MMS22L: variants seen among roughly 807,000 people sequenced by gnomAD.
The protein encoded by MMS22L is MMS22 like, DNA repair protein, also known as protein MMS22-like.
MMS22L carries 74 observed loss-of-function variants against 159.1 expected under a neutral mutation model. The observed-to-expected ratio is 0.47, with a 90% confidence interval of 0.39 to 0.56. The LOEUF is 0.56. Among genes scored for constraint, MMS22L ranks in the 20% least tolerant of loss-of-function variants. The pLI is 0.00. For synonymous variants in MMS22L, 517 were observed against 506.9 expected, an observed-to-expected ratio of 1.02 and a Z score of -0.27; for missense variants, 1,351 against 1,422.1, an observed-to-expected ratio of 0.95 and a Z score of 0.80.
chr6:97,283,940 A>G (rs1817007716), upstream of MMS22L, among the ~76,000 whole-genome samples: 1 of 152,244 alleles, frequency 6.6e-6, no homozygotes, highest in Admixed American at 6.5e-5. Context: ...ACTTCTAACT[A>G]ACCTGTGAAT....
At chr6:97,210,095 T>C (rs892431274) in intron 14 of MMS22L, among the ~76,000 whole-genome samples, 7 of 151,894 alleles carry the variant, frequency 4.6e-5, no homozygotes, top group African/African-American at 1.7e-4. Context: ...TATGGGGACC[T>C]GCCTGAGGTC....
chr6:97,259,205 C>T (rs1033811815), intron 9 of MMS22L: 2 of 152,208 alleles, frequency 1.3e-5, no homozygotes, highest in Admixed American at 1.3e-4. Flanking sequence ...TTTAACAATA[C>T]ATTCTGCAAC....
intron 14 of MMS22L, among the ~76,000 whole-genome samples, chr6:97,187,115 T>C (rs1477373761): frequency 1.3e-5 from 2 of 152,312 alleles, no homozygotes; most frequent in African/African-American, 4.8e-5. Context: ...CGTGGTATTT[T>C]AAATTAAAAT....
intron 11 of MMS22L, among the ~76,000 whole-genome samples, chr6:97,241,187 A>G (rs949679922): frequency 6.6e-6 from 1 of 152,156 alleles, no homozygotes; most frequent in Non-Finnish European, 1.5e-5. Flanking sequence ...ATATATAAGA[A>G]GTTTTCTCTA....
chr6:97,210,847 A>G (rs927918151), intron 14 of MMS22L, among the ~76,000 whole-genome samples: 1 of 151,912 alleles, frequency 6.6e-6, no homozygotes, highest in Non-Finnish European at 1.5e-5. Context: ...AATATATGTA[A>G]TTTCTTATAT....
rs966292514 is a variant in MMS22L at position 97,149,845 on chromosome 6, A to T, written c.3650+8T>A. On this transcript the variant is annotated splice_region_variant and intron_variant, in intron 24 of 24. Coordinates refer to ENST00000683635, the MANE Select transcript of MMS22L (RefSeq NM_001350599.2). ...CCCCCCCCAATGTAATTAAATTATC[A>T]AACATACCTTTGTGCTATATTCCTG... The T allele has an allele frequency of 1.3e-6, 2 of 1,585,658 alleles. No individual in the cohort carries two copies. Among genetic ancestry groups the T allele is most frequent in the African/African-American group, 2.7e-5 (2 of 73,650 alleles).
intron 14 of MMS22L, among the ~76,000 whole-genome samples, chr6:97,202,790 T>C (rs777111593): frequency 4.6e-5 from 7 of 152,140 alleles, no homozygotes; most frequent in Non-Finnish European, 8.8e-5. Flanking sequence ...AATAGTAAAA[T>C]AAGACTAAAG....
intron 14 of MMS22L, among the ~76,000 whole-genome samples, chr6:97,228,201 G>A (rs114405341): frequency 0.018 from 2,790 of 152,296 alleles, 83 homozygotes; most frequent in African/African-American, 0.064. Flanking sequence ...TATCTGTAAC[G>A]TATCTCTGGG....
chr6:97,224,219 A>G (rs965814813), intron 14 of MMS22L, among the ~76,000 whole-genome samples: 2 of 152,152 alleles, frequency 1.3e-5, no homozygotes, highest in Non-Finnish European at 2.9e-5. Flanking sequence ...TCTTCCTATC[A>G]ATGTAAACTT....
At chr6:97,206,382 T>TACACACAC (rs58135635) in intron 14 of MMS22L, among the ~76,000 whole-genome samples, 3,259 of 146,778 alleles carry the variant, frequency 0.022, 69 homozygotes, top group Admixed American at 0.066. Flanking sequence ...ACCTCGCATG[T>TACACACAC]ACACACACAC....
chr6:97,156,981 CTTTTA>C (rs776202524), intron 22 of MMS22L, among the ~76,000 whole-genome samples: 9 of 151,902 alleles, frequency 5.9e-5, no homozygotes, highest in Non-Finnish European at 7.4e-5. Flanking sequence ...TTTGTGTCCT[CTTTTA>C]TTTTATTTTG....
intron 22 of MMS22L, among the ~76,000 whole-genome samples, chr6:97,158,794 T>G (rs1218952854): frequency 6.6e-6 from 1 of 152,184 alleles, no homozygotes; most frequent in Non-Finnish European, 1.5e-5. Context: ...TCTGTTGATC[T>G]GGGGTGGAGA....
intron 14 of MMS22L, among the ~76,000 whole-genome samples, chr6:97,192,512 G>A (rs555710916): frequency 5.1e-4 from 77 of 152,276 alleles, no homozygotes; most frequent in African/African-American, 1.8e-3. Context: ...ATACTTTGTA[G>A]ACAAGGCAAA....
At chr6:97,181,844 T>C in intron 16 of MMS22L, 60 bp downstream of exon 16, 1 of 1,534,826 alleles carries the variant, frequency 6.5e-7, no homozygotes, top group Non-Finnish European at 8.8e-7. Flanking sequence ...CTTAGCTTCC[T>C]AGGATACTGA....
At chr6:97,250,676 A>G (rs1813146560) in intron 10 of MMS22L, among the ~76,000 whole-genome samples, 1 of 152,176 alleles carries the variant, frequency 6.6e-6, no homozygotes, top group South Asian at 2.1e-4. Flanking sequence ...TAGCTTTGTG[A>G]GTTAAATCCA....
intron 19 of MMS22L, among the ~76,000 whole-genome samples, chr6:97,170,980 T>C (rs923377551): frequency 1.3e-5 from 2 of 152,114 alleles, no homozygotes; most frequent in African/African-American, 4.8e-5. Context: ...CACTTCAGCA[T>C]AGGTGACAGA....
chr6:97,258,631 CA>C (rs1336099671), intron 9 of MMS22L: 1 of 152,130 alleles, frequency 6.6e-6, no homozygotes, highest in Non-Finnish European at 1.5e-5. Context: ...ATGTGTAACT[CA>C]ATTCCCCAAC....
chr6:97,255,532 TGAAG>T (rs1220201836), intron 9 of MMS22L, among the ~76,000 whole-genome samples: 2 of 152,132 alleles, frequency 1.3e-5, no homozygotes, highest in Non-Finnish European at 2.9e-5. Flanking sequence ...GGATTTACTA[TGAAG>T]GGCTTATTGC....
chr6:97,249,992 T>C (rs998926193), intron 10 of MMS22L, among the ~76,000 whole-genome samples: 1 of 152,168 alleles, frequency 6.6e-6, no homozygotes, highest in Non-Finnish European at 1.5e-5. Context: ...AAATCAGTTT[T>C]GTGGCTATAA....
Sources: allele counts gnomAD v4.1 joint callset (sites outside exome capture counted in the v4.1 genomes callset), GRCh38; gene constraint gnomAD v4.1.1; transcripts MANE v1.5; gene names NCBI Gene and HGNC (gene_info 2026-07-23, HGNC 2026-07-21).